Variants in GALNTL6 observed in about 807,000 individuals in gnomAD.
GALNTL6 encodes polypeptide N-acetylgalactosaminyltransferase like 6, also known as polypeptide N-acetylgalactosaminyltransferase-like 6.
Under a neutral mutation model 73.7 loss-of-function variants are expected in GALNTL6, and 46 were observed. The ratio of observed to expected loss-of-function variants is 0.62; its 90% CI spans 0.49 to 0.80. GALNTL6 has a LOEUF of 0.80. Ranked by LOEUF, GALNTL6 falls within the 30% of genes least tolerant of loss-of-function variation. The pLI, the probability that GALNTL6 is intolerant of heterozygous loss-of-function variation, is 0.00. For synonymous variants in GALNTL6, 259 were observed against 263.7 expected (o/e 0.98, Z 0.17); for missense variants, 604 against 755.0 (o/e 0.80, Z 2.34).
intron 5 of GALNTL6, among the ~76,000 whole-genome samples, chr4:172,659,140 G>A (rs1473736418): frequency 1.3e-5 from 2 of 152,166 alleles, no homozygotes; most frequent in East Asian, 3.8e-4. Context: ...TGAGTACTAA[G>A]GCATAAGTTT....
chr4:172,337,798 G>T (rs2111194520), intron 4 of GALNTL6, among the ~76,000 whole-genome samples: 1 of 146,482 alleles, frequency 6.8e-6, no homozygotes, highest in South Asian at 2.1e-4. Context: ...CTGGATTCTT[G>T]CATCTGGATA....
At chr4:172,791,692 G>C (rs1045282938) in intron 5 of GALNTL6, among the ~76,000 whole-genome samples, 1 of 152,060 alleles carries the variant, frequency 6.6e-6, no homozygotes, top group Non-Finnish European at 1.5e-5. Context: ...AAAAAATTAA[G>C]ATAAATTTTA....
intron 12 of GALNTL6, among the ~76,000 whole-genome samples, chr4:173,031,170 C>A (rs1433598474): frequency 1.3e-5 from 2 of 151,996 alleles, no homozygotes; most frequent in Non-Finnish European, 2.9e-5. Flanking sequence ...TAATAATTCC[C>A]TTTATTATCT....
chr4:172,176,078 G>A (rs1416580449), intron 2 of GALNTL6, among the ~76,000 whole-genome samples: 3 of 151,996 alleles, frequency 2.0e-5, no homozygotes, highest in South Asian at 2.1e-4. Context: ...GGTGGCTCAC[G>A]CCTGTAATCC....
At chr4:172,687,791 G>T (rs1006852818) in intron 5 of GALNTL6, among the ~76,000 whole-genome samples, 3 of 152,060 alleles carry the variant, frequency 2.0e-5, no homozygotes, top group Non-Finnish European at 4.4e-5. Flanking sequence ...TTCTCCTTTG[G>T]GCTGGGGAAA....
chr4:172,145,559 C>T (rs189897220), intron 2 of GALNTL6, among the ~76,000 whole-genome samples: 70 of 152,228 alleles, frequency 4.6e-4, no homozygotes, highest in African/African-American at 1.7e-3. Flanking sequence ...GATTTAGCTT[C>T]TCTATCTTCT....
At chr4:172,481,369 G>A (rs114563579) in intron 5 of GALNTL6, among the ~76,000 whole-genome samples, 4 of 152,072 alleles carry the variant, frequency 2.6e-5, no homozygotes, top group Non-Finnish European at 4.4e-5. Flanking sequence ...GCACCAGCAA[G>A]ACGTATTGCA....
At chr4:172,929,312 C>G (rs981736464) in intron 8 of GALNTL6, among the ~76,000 whole-genome samples, 1 of 152,150 alleles carries the variant, frequency 6.6e-6, no homozygotes, top group African/African-American at 2.4e-5. Flanking sequence ...GGGTGACATT[C>G]CTCTTAGTGA....
chr4:172,761,669 T>TCTCTCTCTCTCTCTCTC (rs1553985721), intron 5 of GALNTL6, among the ~76,000 whole-genome samples: 1 of 147,176 alleles, frequency 6.8e-6, no homozygotes, highest in African/African-American at 2.5e-5. Flanking sequence ...CTTGCTCTCT[T>TCTCTCTCTCTCTCTCTC]TCTCTCTCTC....
intron 4 of GALNTL6, among the ~76,000 whole-genome samples, chr4:172,328,022 A>G (rs1477964860): frequency 3.9e-5 from 6 of 152,050 alleles, no homozygotes; most frequent in South Asian, 2.1e-4. Flanking sequence ...TTGGCTGCTA[A>G]CAATCTTCCC....
At chr4:172,648,927 C>T (rs1229095142) in intron 5 of GALNTL6, among the ~76,000 whole-genome samples, 1 of 152,100 alleles carries the variant, frequency 6.6e-6, no homozygotes, top group East Asian at 1.9e-4. Context: ...TACCTTACCT[C>T]TGAAAAATCA....
At chr4:172,019,517 A>C (rs1741330250) in intron 2 of GALNTL6, among the ~76,000 whole-genome samples, 2 of 152,168 alleles carry the variant, frequency 1.3e-5, no homozygotes. Flanking sequence ...CAAGAATAAC[A>C]ATACTTATAT....
intron 2 of GALNTL6, among the ~76,000 whole-genome samples, chr4:172,039,620 A>G (rs935153998): frequency 6.6e-6 from 1 of 152,152 alleles, no homozygotes; most frequent in Non-Finnish European, 1.5e-5. Context: ...AAATTTTCCA[A>G]GAGGAACACA....
intron 2 of GALNTL6, among the ~76,000 whole-genome samples, chr4:172,096,063 G>A (rs934174124): frequency 7.4e-6 from 1 of 134,780 alleles, no homozygotes; most frequent in Admixed American, 7.9e-5. Flanking sequence ...TCATATTTTC[G>A]ATTTCTCTCT....
chr4:172,877,832 T>G (rs1745270784), intron 7 of GALNTL6, among the ~76,000 whole-genome samples: 1 of 151,994 alleles, frequency 6.6e-6, no homozygotes, highest in South Asian at 2.1e-4. Flanking sequence ...ATTCAAAGCC[T>G]GATTTGTGAT....
At chr4:172,388,676 G>A (rs1743557372) in intron 5 of GALNTL6, among the ~76,000 whole-genome samples, 1 of 151,842 alleles carries the variant, frequency 6.6e-6, no homozygotes, top group Non-Finnish European at 1.5e-5. Context: ...AGTAATTTCT[G>A]GAATTCATAT....
intron 5 of GALNTL6, among the ~76,000 whole-genome samples, chr4:172,455,794 G>A (rs188195785): frequency 3.3e-5 from 5 of 152,284 alleles, no homozygotes; most frequent in South Asian, 2.1e-4. Context: ...AAAAGTTCCC[G>A]CCTGATGGCT....
chr4:171,968,839 G>GA (rs1308167518), intron 2 of GALNTL6, among the ~76,000 whole-genome samples: 5 of 114,970 alleles, frequency 4.3e-5, no homozygotes, highest in Non-Finnish European at 1.1e-4. Context: ...TTTTGTGCGG[G>GA]GTGGGGGGGG....
intron 3 of GALNTL6, among the ~76,000 whole-genome samples, chr4:172,248,349 C>G (rs191602920): frequency 6.6e-6 from 1 of 152,280 alleles, no homozygotes; most frequent in Admixed American, 6.5e-5. Context: ...AGAGCTCTGT[C>G]TAGTATGAAG....
Sources: gnomAD v4.1 joint callset for allele counts (sites outside exome capture counted in the v4.1 genomes callset) on GRCh38, gnomAD v4.1.1 for gene constraint, MANE v1.5 for transcripts, NCBI Gene and HGNC (gene_info 2026-07-23, HGNC 2026-07-21) for gene names.